The following FBRSL1 variants were observed in gnomAD, a reference collection of about 807,000 sequenced individuals.
FBRSL1 encodes fibrosin like 1.
In FBRSL1, 51 loss-of-function variants were observed where a neutral mutation model predicts 89.6. That is an observed-to-expected ratio of 0.57 (90% CI 0.45 to 0.72). FBRSL1 has a LOEUF of 0.72. Ranked by LOEUF, FBRSL1 falls within the 30% of genes least tolerant of loss-of-function variation. The pLI is 0.00. For synonymous variants in FBRSL1, 779 were observed against 681.1 expected (o/e 1.14, Z -2.24); for missense variants, 1,618 against 1,451.8 (o/e 1.11, Z -1.86).
intron 15 of FBRSL1, among the ~76,000 whole-genome samples, chr12:132,580,093 A>T (rs2040641297): frequency 1.3e-5 from 2 of 151,878 alleles, no homozygotes; most frequent in Middle Eastern, 3.4e-3. Context: ...ATTTTATTTT[A>T]ATTTATTTAT....
chr12:132,548,617 C>T (rs1432348744), intron 5 of FBRSL1, among the ~76,000 whole-genome samples: 1 of 152,238 alleles, frequency 6.6e-6, no homozygotes, highest in Non-Finnish European at 1.5e-5. Context: ...TCTCCTTCTG[C>T]CCCGCTTGCC....
chr12:132,542,845 G>A (rs533778591), intron 4 of FBRSL1, among the ~76,000 whole-genome samples: 6 of 152,364 alleles, frequency 3.9e-5, no homozygotes, highest in East Asian at 3.9e-4. Context: ...TGAGCACACC[G>A]AAGCCATAAT....
intron 5 of FBRSL1, among the ~76,000 whole-genome samples, chr12:132,562,200 G>C (rs979135378): frequency 1.3e-5 from 2 of 152,202 alleles, no homozygotes; most frequent in Non-Finnish European, 2.9e-5. Flanking sequence ...ACACTTCTGG[G>C]GGATGATGTT....
intron 2 of FBRSL1, chr12:132,509,677 G>T: frequency 4.1e-6 from 5 of 1,231,608 alleles, no homozygotes; most frequent in Non-Finnish European, 5.1e-6. Flanking sequence ...AGGCACCGCT[G>T]CAGGCGCCTG....
chr12:132,522,782 C>T (rs1280785421), intron 2 of FBRSL1, among the ~76,000 whole-genome samples: 2 of 152,224 alleles, frequency 1.3e-5, no homozygotes, highest in Non-Finnish European at 2.9e-5. Flanking sequence ...CTCAGGGCTG[C>T]AGTGTGTGTG....
chr12:132,572,334 C>A lies in FBRSL1; in HGVS notation c.1424C>A (p.Ser475Tyr). ...CTGGACAGCCCCTACTTCCGACATT[C>A]CAGCGTGAGTGTGAGTGTCCCCGAG... ...PKLDSPYFRH[S>Y]SVSFFPSFPP... Residue 475 changes from serine to tyrosine, a missense_variant, in exon 10 of 19, where the codon TCC becomes TAC. Ser to Tyr is a moderately radical substitution (Grantham distance 144). Transcript: ENST00000680143. 3.9e-6 allele frequency: 6 copies of A among 1,551,152 alleles called. No homozygotes were observed. The highest frequency in any genetic ancestry group is 5.2e-6 in the Non-Finnish European group (6 of 1,146,730).
intron 2 of FBRSL1, among the ~76,000 whole-genome samples, chr12:132,514,219 TG>T (rs2034628164): frequency 6.6e-6 from 1 of 151,288 alleles, no homozygotes; most frequent in Non-Finnish European, 1.5e-5. Context: ...AGGGCATGAG[TG>T]GGGGGCTGGG....
Position 132,525,429 on chromosome 12 carries a change from T to G in FBRSL1, c.490-305T>G, listed in dbSNP as rs528852646. ...CTCCAAGCACGTGGCGGTTCTCGTG[T>G]CACTGAGCCGGTGGGTCCTGGGTAG... On this transcript the variant is annotated intron_variant, in intron 2 of 18. Coordinates refer to ENST00000680143, the MANE Select transcript of FBRSL1 (RefSeq NM_001367871.1). Among the ~76,000 whole-genome samples, 32 of 152,298 alleles carry G rather than the reference T, an allele frequency of 2.1e-4. No individual in the cohort carries two copies. The South Asian group carries it at 5.2e-3, about 25-fold the overall frequency.
rs1361129088 is a variant in FBRSL1, at chr12:132,572,520, C to G, written c.1435-7C>G. The stretch of plus-strand genomic sequence containing the variant: ...CCCCCCCTCCATCCGCTCTCCTTCT[C>G]TTACAGTTCTTCCCGTCCTTCCCTC... On this transcript the variant is annotated splice_region_variant and splice_polypyrimidine_tract_variant and intron_variant, in intron 10 of 18. Coordinates refer to ENST00000680143, the MANE Select transcript of FBRSL1 (RefSeq NM_001367871.1). 4 of 1,549,642 alleles carry G rather than the reference C, an allele frequency of 2.6e-6. No homozygotes were observed. Among genetic ancestry groups the G allele is most frequent in the Non-Finnish European group, 3.5e-6 (4 of 1,145,192 alleles).
Position 132,569,525 on chromosome 12 carries a change from C to T in FBRSL1, c.692-401C>T, listed in dbSNP as rs570038827. 4.6e-5 allele frequency among the ~76,000 whole-genome samples: 7 copies of T among 152,306 alleles called. No homozygotes were observed. The South Asian group carries it at 1.4e-3, about 32-fold the overall frequency. ...TGAGGCCTAGGTACACAGGCCCTAG[C>T]TCCCGTGTTCAAATCCAGCTCCCCT... On this transcript the variant is annotated intron_variant, in intron 6 of 18. Transcript: ENST00000680143.
intron 4 of FBRSL1, among the ~76,000 whole-genome samples, chr12:132,538,657 G>A (rs2036961465): frequency 6.6e-6 from 1 of 152,336 alleles, no homozygotes; most frequent in East Asian, 1.9e-4. Context: ...CGGCTCTGGC[G>A]TGTCTGCTCC....
chr12:132,534,998 C>T (rs1465869523), intron 4 of FBRSL1, among the ~76,000 whole-genome samples: 1 of 152,194 alleles, frequency 6.6e-6, no homozygotes, highest in Non-Finnish European at 1.5e-5. Context: ...AGATGCCTGA[C>T]CAAGGAGGGT....
In FBRSL1 at chr12:132,546,687, G is replaced by A. The variant is rs930247531; in HGVS notation, c.616-1316G>A. Among the ~76,000 whole-genome samples the A allele has an allele frequency of 1.6e-4, 25 of 152,170 alleles. No homozygotes were observed. Among genetic ancestry groups the A allele is most frequent in the African/African-American group, 6.0e-4 (25 of 41,444 alleles). On this transcript the variant is annotated intron_variant, in intron 4 of 18. Coordinates refer to ENST00000680143, the MANE Select transcript of FBRSL1 (RefSeq NM_001367871.1). This position sits in a 1 kb window ranked among gnomAD's most constrained non-coding sequence, Gnocchi z 4.0. ...CACAGCCGGGACAGACAGCCTGGGGGAGCCTGTCAGCCTCAGGAGACCCCC... is the reference window on the plus strand; with the variant it reads ...CACAGCCGGGACAGACAGCCTGGGGAAGCCTGTCAGCCTCAGGAGACCCCC...
chr12:132,571,506 G>C (rs747423062), intron 9 of FBRSL1: 1 of 1,507,002 alleles, frequency 6.6e-7, no homozygotes, highest in Non-Finnish European at 8.9e-7. Flanking sequence ...CCCCGACGCC[G>C]CCCGCCGCAC....
chr12:132,499,660 G>A lies in FBRSL1; in HGVS notation c.292-8493G>A, dbSNP rs2032641300. 6.6e-6 allele frequency among the ~76,000 whole-genome samples: 1 copy of A among 152,014 alleles called. No homozygotes were observed. On this transcript the variant is annotated intron_variant, in intron 1 of 18. Coordinates refer to ENST00000680143, the MANE Select transcript of FBRSL1 (RefSeq NM_001367871.1). This position sits in a 1 kb window ranked among gnomAD's most constrained non-coding sequence, Gnocchi z 4.3. ...CACATGTAGCAGGTGGTACAGGTTT[G>A]GGGTGCCGGTGGCAGGCAGGCTGGA...
chr12:132,548,208 C>T (rs974794149), intron 5 of FBRSL1, among the ~76,000 whole-genome samples, 176 bp downstream of exon 5: 2 of 152,194 alleles, frequency 1.3e-5, no homozygotes, highest in African/African-American at 4.8e-5. Context: ...CTGGCCTCTC[C>T]TGGCTGTGGA....
chr12:132,577,953 G>C (rs539813595), intron 15 of FBRSL1, among the ~76,000 whole-genome samples: 22 of 152,364 alleles, frequency 1.4e-4, no homozygotes, highest in African/African-American at 5.3e-4. Flanking sequence ...GTACGCACAC[G>C]TGAAGCATGA....
intron 4 of FBRSL1, among the ~76,000 whole-genome samples, chr12:132,532,804 A>G (rs1345668464): frequency 6.6e-6 from 1 of 152,192 alleles, no homozygotes; most frequent in Non-Finnish European, 1.5e-5. Context: ...CCCCTGAGGA[A>G]GGAGCCCACC....
intron 4 of FBRSL1, among the ~76,000 whole-genome samples, chr12:132,536,812 C>T (rs575185137): frequency 2.6e-5 from 4 of 152,230 alleles, no homozygotes; most frequent in Non-Finnish European, 4.4e-5. Flanking sequence ...GTTATGTGTA[C>T]ATGCGTACGT....
Sources: allele counts gnomAD v4.1 joint callset (sites outside exome capture counted in the v4.1 genomes callset), GRCh38; gene constraint gnomAD v4.1.1; non-coding constraint Gnocchi (gnomAD v3.1); transcripts MANE v1.5; gene names NCBI Gene and HGNC (gene_info 2026-07-23, HGNC 2026-07-21).